PACRG: variants seen among roughly 807,000 people sequenced by gnomAD.
PACRG encodes the protein parkin coregulated gene protein.
Under a neutral mutation model 29.7 loss-of-function variants are expected in PACRG, and 29 were observed. The ratio of observed to expected loss-of-function variants is 0.98; its 90% CI spans 0.73 to 1.33. The LOEUF is 1.33. PACRG is among the 40% of genes most tolerant of loss of function. The pLI, the probability that PACRG is intolerant of heterozygous loss-of-function variation, is 0.00. For synonymous variants in PACRG, 116 were observed against 118.7 expected (o/e 0.98, Z 0.15); for missense variants, 279 against 316.2 (o/e 0.88, Z 0.89).
chr6:162,908,543 G>T (rs1422545961), intron 2 of PACRG, among the ~76,000 whole-genome samples: 5 of 152,202 alleles, frequency 3.3e-5, no homozygotes, highest in Non-Finnish European at 7.3e-5. Context: ...TGCAGCTGAA[G>T]ACCCACATTC....
At chr6:163,005,524 T>C (rs927227227) in intron 2 of PACRG, among the ~76,000 whole-genome samples, 2 of 151,880 alleles carry the variant, frequency 1.3e-5, no homozygotes, top group African/African-American at 4.8e-5. Flanking sequence ...TACTTAAAAA[T>C]TTTTCTTCTT....
At chr6:162,935,630 G>A (rs551885948) in intron 2 of PACRG, among the ~76,000 whole-genome samples, 2 of 151,726 alleles carry the variant, frequency 1.3e-5, no homozygotes, top group Admixed American at 1.3e-4. Flanking sequence ...TCTGTAACCT[G>A]TTGAGTTTTC....
At chr6:163,293,428 G>A (rs1784683401) in intron 4 of PACRG, among the ~76,000 whole-genome samples, 1 of 152,216 alleles carries the variant, frequency 6.6e-6, no homozygotes, top group Non-Finnish European at 1.5e-5. Flanking sequence ...CAATACAACG[G>A]AGTGAAGCCT....
At chr6:162,863,351 A>C (rs1028806048) in intron 2 of PACRG, among the ~76,000 whole-genome samples, 2 of 152,268 alleles carry the variant, frequency 1.3e-5, no homozygotes, top group African/African-American at 4.8e-5. Flanking sequence ...TGTATAACAT[A>C]ATCAGCAATG....
intron 2 of PACRG, among the ~76,000 whole-genome samples, chr6:162,962,266 G>A (rs1278534533): frequency 2.0e-5 from 3 of 151,262 alleles, no homozygotes; most frequent in Admixed American, 6.6e-5. Flanking sequence ...ACTGGAGGCA[G>A]AGACTATGTC....
At chr6:163,053,021 A>G (rs1229090307) in intron 2 of PACRG, among the ~76,000 whole-genome samples, 1 of 152,128 alleles carries the variant, frequency 6.6e-6, no homozygotes, top group African/African-American at 2.4e-5. Context: ...TATGTCTAAA[A>G]CATTCCTTGT....
chr6:163,082,629 C>A (rs1188467427), intron 3 of PACRG, among the ~76,000 whole-genome samples: 1 of 152,136 alleles, frequency 6.6e-6, no homozygotes, highest in Non-Finnish European at 1.5e-5. Flanking sequence ...TCTCAGTACA[C>A]AAGTTTCTAG....
intron 2 of PACRG, among the ~76,000 whole-genome samples, chr6:162,891,717 G>A (rs930533050): frequency 1.3e-5 from 2 of 152,084 alleles, no homozygotes. Context: ...GCACCTCTTT[G>A]GGGGGCTGTA....
At chr6:162,769,476 G>A (rs184997975) in intron 1 of PACRG, among the ~76,000 whole-genome samples, 4 of 152,244 alleles carry the variant, frequency 2.6e-5, no homozygotes, top group East Asian at 1.9e-4. Flanking sequence ...CAAGGACTAA[G>A]TAGTCTTAGG....
At chr6:163,100,135 C>A (rs1314875786) in intron 4 of PACRG, among the ~76,000 whole-genome samples, 1 of 151,962 alleles carries the variant, frequency 6.6e-6, no homozygotes, top group Non-Finnish European at 1.5e-5. Flanking sequence ...CAGGTGGAGG[C>A]GGCTACGGCT....
intron 4 of PACRG, among the ~76,000 whole-genome samples, chr6:163,213,657 T>G (rs941202807): frequency 1.3e-5 from 2 of 152,214 alleles, no homozygotes; most frequent in African/African-American, 4.8e-5. Flanking sequence ...TTACCCATTT[T>G]TCTATTGTTT....
At chr6:162,962,633 TC>T (rs1392710863) in intron 2 of PACRG, among the ~76,000 whole-genome samples, 35 of 152,292 alleles carry the variant, frequency 2.3e-4, no homozygotes, top group Admixed American at 6.5e-4. Flanking sequence ...GCAGCTGTCA[TC>T]AAGCCAGGAA....
At chr6:163,132,147 A>G (rs1562932520) in intron 4 of PACRG, among the ~76,000 whole-genome samples, 1 of 152,228 alleles carries the variant, frequency 6.6e-6, no homozygotes, top group African/African-American at 2.4e-5. Flanking sequence ...GGATCTGAAA[A>G]TAAGATTTAT....
chr6:163,138,588 C>T (rs1483889312), intron 4 of PACRG, among the ~76,000 whole-genome samples: 1 of 152,172 alleles, frequency 6.6e-6, no homozygotes, highest in Non-Finnish European at 1.5e-5. Context: ...CAATAGGGTT[C>T]ATGCTCCTCT....
At chr6:162,811,942 C>A (rs1163200418) in intron 1 of PACRG, among the ~76,000 whole-genome samples, 2 of 152,242 alleles carry the variant, frequency 1.3e-5, no homozygotes, top group African/African-American at 4.8e-5. Context: ...GATACTCAAT[C>A]TGTACACACA....
intron 2 of PACRG, among the ~76,000 whole-genome samples, chr6:162,955,390 C>G (rs1202145408): frequency 2.6e-5 from 4 of 152,134 alleles, no homozygotes; most frequent in African/African-American, 4.8e-5. Flanking sequence ...AGCTCTGCCT[C>G]CCGGGTTCAA....
chr6:163,310,343 G>A, intron 4 of PACRG: 1 of 152,356 alleles, frequency 6.6e-6, no homozygotes, highest in Non-Finnish European at 1.5e-5. Flanking sequence ...GGGTGCGTGG[G>A]CCCAGACATA....
At chr6:163,295,319 T>G (rs1784747281) in intron 4 of PACRG, among the ~76,000 whole-genome samples, 1 of 152,190 alleles carries the variant, frequency 6.6e-6, no homozygotes, top group African/African-American at 2.4e-5. Context: ...GGGGAGCTCC[T>G]GTCCTAAAGT....
Position 163,315,160 on chromosome 6 carries a change from A to G in PACRG, c.*173A>G. 3.0e-6 allele frequency: 2 copies of G among 660,622 alleles called. No homozygotes were observed. The highest frequency in any genetic ancestry group is 5.0e-6 in the Non-Finnish European group (2 of 399,332). 40.9% of individuals were successfully genotyped at this position (660,622 alleles called of 1,614,324 possible). A position where few individuals can be genotyped will look rare whatever the true frequency, so the allele number is the denominator to read the frequency against. On this transcript the variant is annotated 3_prime_UTR_variant, in exon 5 of 5. Coordinates refer to ENST00000366888, the MANE Select transcript of PACRG (RefSeq NM_001080379.2). ...CCTATTGAGAGCAAGGCTTTCCAAT[A>G]CATAAATAGTGTCTGTTTCTTAGAT...
Sources: gnomAD v4.1 joint callset for allele counts (sites outside exome capture counted in the v4.1 genomes callset) on GRCh38, gnomAD v4.1.1 for gene constraint, MANE v1.5 for transcripts, NCBI Gene and HGNC (gene_info 2026-07-23, HGNC 2026-07-21) for gene names.